ASAP3: variants seen among roughly 807,000 people sequenced by gnomAD.
ASAP3 encodes arf-GAP with SH3 domain, ANK repeat and PH domain-containing protein 3.
In ASAP3, 85 loss-of-function variants were observed where a neutral mutation model predicts 118.2. The observed-to-expected ratio is 0.72, with a 90% CI of 0.60 to 0.86. The LOEUF is 0.86. Among genes scored for constraint, ASAP3 ranks in the 40% least tolerant of loss-of-function variants. The probability of loss-of-function intolerance (pLI) is 0.00; values close to 1 mark genes in which losing one functional copy is unlikely to be tolerated. For synonymous variants in ASAP3, 432 were observed against 477.4 expected, an observed-to-expected ratio of 0.90 and a Z score of 1.24; for missense variants, 1,026 against 1,175.0, an observed-to-expected ratio of 0.87 and a Z score of 1.85.
Position 23,434,196 on chromosome 1 carries a change from G to A in ASAP3, c.1951+58C>T, listed in dbSNP as rs1257046693. ...GGATTAGAGCCCGAGACCATCGGAA[G>A]TCCACATAAGGGGTAGTCAGGAATA... On this transcript the variant is annotated intron_variant, in intron 19 of 24. Coordinates refer to ENST00000336689, the MANE Select transcript of ASAP3 (RefSeq NM_017707.4). 8 of 1,539,826 alleles carry A rather than the reference G, an allele frequency of 5.2e-6. 1 individual carries two copies. The highest frequency in any genetic ancestry group is 7.2e-6 in the Non-Finnish European group (8 of 1,113,390).
intron 1 of ASAP3, among the ~76,000 whole-genome samples, chr1:23,465,837 C>G (rs1193078554): frequency 6.6e-6 from 1 of 152,112 alleles, no homozygotes; most frequent in African/African-American, 2.4e-5. Flanking sequence ...TAGCCAAATC[C>G]AGGGCCAATG....
intron 4 of ASAP3, 142 bp from the exon 5 acceptor site, chr1:23,451,670 C>T (rs1300187874): frequency 1.1e-6 from 1 of 892,894 alleles, no homozygotes; most frequent in Non-Finnish European, 1.8e-6. Context: ...CCTGCCCCCA[C>T]AGTCCTGCTG....
intron 1 of ASAP3, among the ~76,000 whole-genome samples, chr1:23,457,723 G>A (rs1308486461): frequency 6.6e-6 from 1 of 152,172 alleles, no homozygotes; most frequent in East Asian, 1.9e-4. Flanking sequence ...GTGTTGGCCA[G>A]GTTGGTCTCA....
intron 1 of ASAP3, among the ~76,000 whole-genome samples, chr1:23,470,130 C>A (rs572697695): frequency 6.6e-6 from 1 of 152,022 alleles, no homozygotes; most frequent in African/African-American, 2.4e-5. Flanking sequence ...TGCCTCTGAG[C>A]GAGTTCCTTC....
chr1:23,483,654 G>C (rs1446674724), intron 1 of ASAP3, among the ~76,000 whole-genome samples: 1 of 152,170 alleles, frequency 6.6e-6, no homozygotes, highest in Non-Finnish European at 1.5e-5. Flanking sequence ...AGTGACTCGG[G>C]GGGCACACTT....
Position 23,451,502 on chromosome 1 carries a change from T to A in ASAP3, c.450A>T (p.Ala150=), listed in dbSNP as rs1318584536. Residue 150 remains alanine (A), a synonymous_variant, in exon 5 of 25, where the codon GCA becomes GCT. Coordinates refer to ENST00000336689, the MANE Select transcript of ASAP3 (RefSeq NM_017707.4). ...ACATTTTGGCTTCATAGTCCTTCCA[T>A]GCCTTCTCCAGCTGTTTTTTGGAAT... The part of the protein sequence containing the change: ...RQDSKKQLEK[A]WKDYEAKMAK... 3 of 1,614,208 alleles carry A rather than the reference T, an allele frequency of 1.9e-6. No homozygotes were observed. The highest frequency in any genetic ancestry group is 2.5e-6 in the Non-Finnish European group (3 of 1,180,022).
At chr1:23,479,323 T>C (rs1335968305) in intron 1 of ASAP3, among the ~76,000 whole-genome samples, 1 of 152,162 alleles carries the variant, frequency 6.6e-6, no homozygotes, top group Non-Finnish European at 1.5e-5. Context: ...GCTGCCTTAG[T>C]TCCTGACAAC....
At position 23,436,023 on chromosome 1, in the gene ASAP3, G is replaced by A; in HGVS notation, c.1577C>T (p.Thr526Ile). 2 of 1,614,034 alleles carry A rather than the reference G, an allele frequency of 1.2e-6. No individual in the cohort carries two copies. The highest frequency in any genetic ancestry group is 2.2e-5 in the East Asian group (1 of 44,882). Residue 526 changes from threonine to isoleucine, a missense_variant, in exon 17 of 25, where the codon ACC becomes ATC. Coordinates refer to ENST00000336689, the MANE Select transcript of ASAP3 (RefSeq NM_017707.4). This position sits in a 1 kb window ranked among gnomAD's most constrained non-coding sequence, Gnocchi z 4.2. ...PKPSAESDMG[T>I]RRDYIMAKYV... ...CTTGGCCATAATGTAGTCCCTGCGG[G>A]TGCCCCTACCAAAAACAACCACAGG...
At chr1:23,471,511 G>A (rs757711048) in intron 1 of ASAP3, among the ~76,000 whole-genome samples, 7 of 152,178 alleles carry the variant, frequency 4.6e-5, no homozygotes, top group African/African-American at 9.7e-5. Context: ...TGTGTGGAAT[G>A]AATGAATGAT....
In ASAP3 at chr1:23,431,105, T is replaced by C. The variant is rs777142418; in HGVS notation, c.2567A>G (p.Tyr856Cys). 14 of 1,592,032 alleles carry C rather than the reference T, an allele frequency of 8.8e-6. No individual in the cohort carries two copies. Among genetic ancestry groups the C allele is most frequent in the Non-Finnish European group, 1.2e-5 (14 of 1,169,970 alleles). Residue 856 changes from tyrosine to cysteine, a missense_variant, in exon 24 of 25, where the codon TAT becomes TGT. Coordinates refer to ENST00000336689, the MANE Select transcript of ASAP3 (RefSeq NM_017707.4). Reference sequence around the variant, plus strand: ...TTCAGGGCTCCGCGCCCCCCGCCGATAGGAGCGAGTGCTCTCGGAGCTGGA... The same window carrying C: ...TTCAGGGCTCCGCGCCCCCCGCCGACAGGAGCGAGTGCTCTCGGAGCTGGA... Reference protein sequence around the residue: ...VRFSSESTRSYRRGARSPEDG... With the variant: ...VRFSSESTRSCRRGARSPEDG...
rs867830849 is a variant in ASAP3, at chr1:23,452,834, G to A, written c.349-63C>T. On this transcript the variant is annotated intron_variant, in intron 3 of 24. Coordinates refer to ENST00000336689, the MANE Select transcript of ASAP3 (RefSeq NM_017707.4). ...ACCGGCATCCAGCCCCTAGGGATTC[G>A]GTGTACAGTGAAGCATCACTTGGCA... 1.4e-5 allele frequency: 21 copies of A among 1,494,666 alleles called. No individual in the cohort carries two copies. In the Middle Eastern group the frequency reaches 5.1e-4, roughly 37 times the overall value. 92.6% of individuals were successfully genotyped at this position (1,494,666 alleles called of 1,614,324 possible).
intron 5 of ASAP3, among the ~76,000 whole-genome samples, chr1:23,444,669 C>G (rs1640990377): frequency 6.6e-6 from 1 of 152,200 alleles, no homozygotes; most frequent in African/African-American, 2.4e-5. Context: ...ATGGAGGAAG[C>G]AATGGTCTAC....
At chr1:23,430,225 GCTGA>G (rs1640376891) in intron 24 of ASAP3, among the ~76,000 whole-genome samples, 1 of 152,190 alleles carries the variant, frequency 6.6e-6, no homozygotes, top group African/African-American at 2.4e-5. Flanking sequence ...ATTTGTGTCT[GCTGA>G]CTAACTCTGG....
intron 19 of ASAP3, 102 bp downstream of exon 19, chr1:23,434,152 G>C: frequency 9.0e-7 from 1 of 1,107,824 alleles, no homozygotes; most frequent in Non-Finnish European, 1.4e-6. Context: ...AGATCACAGA[G>C]GTGGTCAGAA....
At position 23,431,828 on chromosome 1, in the gene ASAP3, G is replaced by A. The variant is rs372626373; in HGVS notation, c.2414C>T (p.Pro805Leu). ...TTGGCTGGGATCCCCAGGTTCCAAG[G>A]GGCTCATCAGACTGGAGGAGGAGGC... ...SPASSSSLMS[P>L]LEPGDPSQAP... is the part of the protein sequence containing the mutation. Residue 805 changes from proline to leucine, a missense_variant, in exon 23 of 25, where the codon CCC becomes CTC. Coordinates refer to ENST00000336689, the MANE Select transcript of ASAP3 (RefSeq NM_017707.4). 4.9e-5 allele frequency: 77 copies of A among 1,577,202 alleles called. No individual in the cohort carries two copies. The highest frequency in any genetic ancestry group is 6.4e-5 in the Non-Finnish European group (75 of 1,167,826).
intron 1 of ASAP3, among the ~76,000 whole-genome samples, chr1:23,467,313 C>T (rs1352828736): frequency 6.6e-6 from 1 of 152,026 alleles, no homozygotes; most frequent in Non-Finnish European, 1.5e-5. Context: ...TGCCATTCTC[C>T]TGCCTCAGCC....
chr1:23,433,133 G>A lies in ASAP3; in HGVS notation c.2267C>T (p.Pro756Leu). The stretch of plus-strand genomic sequence containing the variant: ...CAAAGTCCGAGAAGAGTTTTTGACT[G>A]GCAAGGGCGGGGGACAGTCCTCACT... ...GESEDCPPPL[P>L]VKNSSRTLVQ... is the part of the protein sequence containing the mutation. The change falls in exon 22 of 25, where the codon CCA (proline) becomes CTA (leucine). Residue 756 changes from proline to leucine, a missense_variant. By Grantham distance (98) the Pro-to-Leu change is moderately conservative (BLOSUM62 -3). Coordinates refer to ENST00000336689, the MANE Select transcript of ASAP3 (RefSeq NM_017707.4). The A allele has an allele frequency of 6.2e-7, 1 of 1,614,098 alleles. No individual in the cohort carries two copies. Among genetic ancestry groups the A allele is most frequent in the Non-Finnish European group, 8.5e-7 (1 of 1,179,998 alleles).
intron 5 of ASAP3, among the ~76,000 whole-genome samples, chr1:23,449,393 G>A (rs1330626352): frequency 6.6e-6 from 1 of 152,100 alleles, no homozygotes; most frequent in African/African-American, 2.4e-5. Flanking sequence ...TACAGGGCCC[G>A]GGATGCCTTT....
At chr1:23,473,524 C>A (rs1027304871) in intron 1 of ASAP3, among the ~76,000 whole-genome samples, 2 of 152,168 alleles carry the variant, frequency 1.3e-5, no homozygotes, top group Non-Finnish European at 2.9e-5. Flanking sequence ...TCGAAGGGAC[C>A]TTCTAGCAGC....
Sources: allele counts gnomAD v4.1 joint callset (sites outside exome capture counted in the v4.1 genomes callset), GRCh38; gene constraint gnomAD v4.1.1; non-coding constraint Gnocchi (gnomAD v3.1); transcripts MANE v1.5; gene names NCBI Gene and HGNC (gene_info 2026-07-23, HGNC 2026-07-21).